TAFA2: variants seen among roughly 807,000 people sequenced by gnomAD.
The protein encoded by TAFA2 is TAFA chemokine like family member 2.
Under a neutral mutation model 18.8 loss-of-function variants are expected in TAFA2, and 7 were observed. The ratio of observed to expected loss-of-function variants is 0.37; its 90% CI spans 0.21 to 0.70. The LOEUF is 0.70. Ranked by LOEUF, TAFA2 falls within the 30% of genes least tolerant of loss-of-function variation. The pLI is 0.53. For synonymous variants in TAFA2, 60 were observed against 54.2 expected (o/e 1.11, Z -0.47); for missense variants, 122 against 158.1 (o/e 0.77, Z 1.23).
Position 61,754,975 on chromosome 12 carries a change from G to A in TAFA2, c.156C>T (p.Cys52=). ...GTTCTTCTATCTTGTTCTTATTACAGCATCTGTGGAGTGCCACCACCTCAC... is the reference window on the plus strand; with the variant it reads ...GTTCTTCTATCTTGTTCTTATTACAACATCTGTGGAGTGCCACCACCTCAC... ...GTCEVVALHR[C]CNKNKIEERS... The change falls in exon 3 of 5, where the codon TGC becomes TGT. Residue 52 remains cysteine (C), a synonymous_variant. Coordinates refer to ENST00000416284, the MANE Select transcript of TAFA2 (RefSeq NM_178539.5). 1 of 1,612,914 alleles carries A rather than the reference G, an allele frequency of 6.2e-7. No homozygotes were observed. Among genetic ancestry groups the A allele is most frequent in the Non-Finnish European group, 8.5e-7 (1 of 1,179,372 alleles).
At chr12:61,979,651 AG>A (rs1198663148) in intron 1 of TAFA2, among the ~76,000 whole-genome samples, 1 of 152,086 alleles carries the variant, frequency 6.6e-6, no homozygotes, top group African/African-American at 2.4e-5. Context: ...AAGGTGAGTA[AG>A]GAGGAAATTA....
intron 1 of TAFA2, among the ~76,000 whole-genome samples, chr12:62,101,600 C>T (rs1466803720): frequency 5.9e-5 from 9 of 152,208 alleles, no homozygotes; most frequent in Non-Finnish European, 2.9e-5. Context: ...TGTGCAGCTT[C>T]TATAAGAGCA....
Position 61,710,271 on chromosome 12 carries a change from A to T in TAFA2, c.*135T>A. 1.3e-6 allele frequency: 1 copy of T among 754,022 alleles called. No individual in the cohort carries two copies. The highest frequency in any genetic ancestry group is 2.3e-6 in the Non-Finnish European group (1 of 440,296). The allele number at this position is 754,022 out of a possible 1,614,324, so 46.7% of individuals were successfully genotyped here. A position where few individuals can be genotyped will look rare whatever the true frequency, so the allele number is the denominator to read the frequency against. ...CTTGATTTCAAGAAGAGGCCATGAA[A>T]TCCCTTGGAAATAGACTATTGAGCG... On this transcript the variant is annotated 3_prime_UTR_variant, in exon 5 of 5. Transcript: ENST00000416284.
intron 1 of TAFA2, among the ~76,000 whole-genome samples, chr12:61,881,937 G>A (rs1875161168): frequency 6.6e-6 from 1 of 151,298 alleles, no homozygotes; most frequent in Non-Finnish European, 1.5e-5. Context: ...AAAGCAAGAA[G>A]GGAACATATG....
At chr12:62,005,701 C>T (rs1880523369) in intron 1 of TAFA2, among the ~76,000 whole-genome samples, 1 of 152,038 alleles carries the variant, frequency 6.6e-6, no homozygotes, top group Non-Finnish European at 1.5e-5. Context: ...AACTAGAAAG[C>T]AGGTTCCCTC....
chr12:62,023,127 C>T (rs1035862594), intron 1 of TAFA2, among the ~76,000 whole-genome samples: 5 of 152,130 alleles, frequency 3.3e-5, no homozygotes, highest in Admixed American at 6.5e-5. Flanking sequence ...ACAGAAATCA[C>T]GGGTTCATAG....
intron 1 of TAFA2, among the ~76,000 whole-genome samples, chr12:62,033,072 C>G (rs1268967547): frequency 6.6e-6 from 1 of 152,144 alleles, no homozygotes; most frequent in Admixed American, 6.5e-5. Context: ...ACCCACACAG[C>G]CATGTCAGAC....
At chr12:61,756,838 G>A (rs1869297118) in intron 2 of TAFA2, among the ~76,000 whole-genome samples, 1 of 152,056 alleles carries the variant, frequency 6.6e-6, no homozygotes, top group Non-Finnish European at 1.5e-5. Context: ...TCTCTAATAT[G>A]AAGATCTAAG....
intron 1 of TAFA2, among the ~76,000 whole-genome samples, chr12:62,079,291 A>G (rs1390322066): frequency 1.3e-5 from 2 of 152,122 alleles, no homozygotes; most frequent in African/African-American, 2.4e-5. Flanking sequence ...TATTTTATCA[A>G]TTAATTGCAA....
At chr12:61,725,158 A>T (rs1870101220) in intron 4 of TAFA2, among the ~76,000 whole-genome samples, 1 of 151,692 alleles carries the variant, frequency 6.6e-6, no homozygotes, top group African/African-American at 2.4e-5. Context: ...TGATGATTTG[A>T]GTTCCTTTGT....
At chr12:61,790,812 G>T (rs1212492327) in intron 2 of TAFA2, among the ~76,000 whole-genome samples, 1 of 151,692 alleles carries the variant, frequency 6.6e-6, no homozygotes, top group Non-Finnish European at 1.5e-5. Context: ...TAGATTTAGT[G>T]CAATTTCTAT....
intron 1 of TAFA2, among the ~76,000 whole-genome samples, chr12:61,906,236 T>C (rs896335109): frequency 2.0e-5 from 3 of 152,202 alleles, no homozygotes; most frequent in African/African-American, 7.2e-5. Flanking sequence ...CCAAATCTCA[T>C]GTTGAATTGT....
chr12:61,780,109 G>A (rs901474870), intron 2 of TAFA2, among the ~76,000 whole-genome samples: 1 of 150,576 alleles, frequency 6.6e-6, no homozygotes, highest in African/African-American at 2.5e-5. Flanking sequence ...GATAATATAT[G>A]TGATTCCAAG....
intron 1 of TAFA2, among the ~76,000 whole-genome samples, chr12:62,130,742 C>T (rs1473179198): frequency 6.6e-6 from 1 of 151,846 alleles, no homozygotes; most frequent in Admixed American, 6.6e-5. Flanking sequence ...ATTCACTGAC[C>T]CATATTTGAT....
At chr12:61,986,371 C>T (rs1205338902) in intron 1 of TAFA2, among the ~76,000 whole-genome samples, 1 of 151,764 alleles carries the variant, frequency 6.6e-6, no homozygotes, top group Non-Finnish European at 1.5e-5. Flanking sequence ...GCCATGCTGG[C>T]CAGGCTGGTC....
At chr12:62,048,019 T>C (rs1881954180) in intron 1 of TAFA2, among the ~76,000 whole-genome samples, 1 of 152,180 alleles carries the variant, frequency 6.6e-6, no homozygotes, top group Non-Finnish European at 1.5e-5. Context: ...TTCAAATAAT[T>C]TTTTGTGATC....
intron 1 of TAFA2, among the ~76,000 whole-genome samples, chr12:62,201,657 A>G: frequency 6.6e-6 from 1 of 152,196 alleles, no homozygotes; most frequent in Non-Finnish European, 1.5e-5. Context: ...GGATTTTTGC[A>G]TTGATGTTCA....
chr12:61,757,085 A>G (rs1424223858), intron 2 of TAFA2, among the ~76,000 whole-genome samples: 3 of 152,088 alleles, frequency 2.0e-5, no homozygotes, highest in Non-Finnish European at 2.9e-5. Flanking sequence ...ATAGTATTAC[A>G]TCATCTATCT....
In TAFA2 at chr12:62,184,709, C is replaced by T. The variant is rs191828118; in HGVS notation, c.-2+6550G>A. ...AAAGGCAGGGTTTCATCATGTTGCC[C>T]GGATGGTCTTGAACTCCTGGGCTCA... On this transcript the variant is annotated intron_variant, in intron 1 of 4. Transcript: ENST00000416284. Among the ~76,000 whole-genome samples the T allele has an allele frequency of 1.7e-4, 26 of 151,362 alleles. No individual in the cohort carries two copies. In the East Asian group the frequency reaches 4.5e-3, roughly 26 times the overall value.
Sources: gnomAD v4.1 joint callset for allele counts (sites outside exome capture counted in the v4.1 genomes callset) on GRCh38, gnomAD v4.1.1 for gene constraint, MANE v1.5 for transcripts, NCBI Gene and HGNC (gene_info 2026-07-23, HGNC 2026-07-21) for gene names.